The following LOXL2 variants were observed in gnomAD, a reference collection of about 807,000 sequenced individuals.
LOXL2 encodes the protein lysyl oxidase like 2.
In LOXL2, 70 loss-of-function variants were observed where a neutral mutation model predicts 93.0. The observed-to-expected ratio is 0.75, with a 90% confidence interval of 0.62 to 0.92. The LOEUF (loss-of-function observed/expected upper bound fraction) is 0.92. Among genes scored for constraint, LOXL2 ranks in the 40% least tolerant of loss-of-function variants. The pLI, the probability that LOXL2 is intolerant of heterozygous loss-of-function variation, is 0.00. For synonymous variants in LOXL2, 438 were observed against 413.2 expected, an observed-to-expected ratio of 1.06 and a Z score of -0.73; for missense variants, 973 against 1,054.9, an observed-to-expected ratio of 0.92 and a Z score of 1.08.
chr8:23,333,754 G>A lies in LOXL2; in HGVS notation c.744-131C>T, dbSNP rs1803745146. On this transcript the variant is annotated intron_variant, in intron 4 of 13. Transcript: ENST00000389131. ...CAGCCCTGCTTCACAGAGGGTCCCA[G>A]CTCAGTCCATTCTGCCAGCATTCAC... The A allele has an allele frequency of 4.3e-6, 3 of 700,502 alleles. No homozygotes were observed. In the African/African-American group the frequency reaches 5.3e-5, roughly 12 times the overall value. The allele number at this position is 700,502 out of a possible 1,614,324, so 43.4% of individuals were successfully genotyped here.
intron 1 of LOXL2, chr8:23,402,780 A>C (rs963242039): frequency 7.1e-6 from 1 of 140,428 alleles, no homozygotes; most frequent in Non-Finnish European, 1.5e-5. Context: ...CCTCTGGGAG[A>C]AAAAAAAAAA....
At chr8:23,306,327 C>A (rs1047702552) in intron 10 of LOXL2, among the ~76,000 whole-genome samples, 2 of 152,220 alleles carry the variant, frequency 1.3e-5, no homozygotes, top group Non-Finnish European at 2.9e-5. Context: ...ACCCCAGCCA[C>A]GTGTCCGCGG....
chr8:23,332,535 CAT>C (rs1401720429), intron 5 of LOXL2, among the ~76,000 whole-genome samples: 2 of 105,996 alleles, frequency 1.9e-5, no homozygotes, highest in Non-Finnish European at 3.9e-5. Flanking sequence ...CACCCCCACT[CAT>C]ACACCCCCAC....
intron 3 of LOXL2, among the ~76,000 whole-genome samples, chr8:23,342,352 C>T (rs111298093): frequency 1.3e-5 from 2 of 152,214 alleles, no homozygotes; most frequent in African/African-American, 4.8e-5. Flanking sequence ...ATCACCAGCT[C>T]TTGCGACAGT....
At position 23,394,120 on chromosome 8, in the gene LOXL2, C is replaced by T. The variant is rs1254912602; in HGVS notation, c.-84+9834G>A. 5.3e-5 allele frequency among the ~76,000 whole-genome samples: 8 copies of T among 152,122 alleles called. No individual in the cohort carries two copies. In the East Asian group the frequency reaches 5.8e-4, roughly 11 times the overall value. On this transcript the variant is annotated intron_variant, in intron 1 of 13. Coordinates refer to ENST00000389131, the MANE Select transcript of LOXL2 (RefSeq NM_002318.3). ...AAAGACAAGAAACCCAGGCTAGGCA[C>T]GGTGGCTCATGCCTGTAATCCTAGC...
At chr8:23,348,509 A>G (rs1804031405) in intron 3 of LOXL2, among the ~76,000 whole-genome samples, 1 of 152,148 alleles carries the variant, frequency 6.6e-6, no homozygotes, top group African/African-American at 2.4e-5. Context: ...TTGAGGCTGC[A>G]GTGAACTAGG....
intron 3 of LOXL2, among the ~76,000 whole-genome samples, chr8:23,359,157 C>T (rs1156875299): frequency 6.6e-6 from 1 of 152,058 alleles, no homozygotes; most frequent in Non-Finnish European, 1.5e-5. Flanking sequence ...CGACCCAGTA[C>T]CTGCATTTTT....
In LOXL2 at chr8:23,302,116, T is replaced by C; in HGVS notation, c.2044A>G (p.Thr682Ala). The C allele has an allele frequency of 3.7e-6, 6 of 1,614,138 alleles. No individual in the cohort carries two copies. Among genetic ancestry groups the C allele is most frequent in the Non-Finnish European group, 5.1e-6 (6 of 1,179,994 alleles). Residue 682 changes from threonine (T) to alanine (A), a missense_variant, in exon 12 of 14, where the codon ACC (threonine) becomes GCC (alanine). By Grantham distance (58) the Thr-to-Ala change is moderately conservative. Transcript: ENST00000389131. ...ECANFGDQGI[T>A]MGCWDMYRHD... ...CGGTACATGTCCCAGCAGCCCATGG[T>C]GATGCCCTGATCGCCGAAGTTGGCA...
rs1181587527 is a variant in LOXL2, at chr8:23,354,037, G to A, written c.531+6053C>T. Among the ~76,000 whole-genome samples the A allele has an allele frequency of 2.6e-5, 4 of 152,170 alleles. 1 individual carries two copies. The highest frequency in any genetic ancestry group is 9.6e-5 in the African/African-American group (4 of 41,462). On this transcript the variant is annotated intron_variant, in intron 3 of 13. Transcript: ENST00000389131. ...GCTCCAAGCAGCTGTAGGAGTCCAG[G>A]GAAGCACAGTTAGCTCATTAAGTGA... is the stretch of plus-strand genomic sequence containing the variant.
At chr8:23,336,676 A>G (rs1803797954) in intron 4 of LOXL2, 1 of 152,202 alleles carries the variant, frequency 6.6e-6, no homozygotes, top group African/African-American at 2.4e-5. Flanking sequence ...ATCTATTTCC[A>G]TGATGCTTTC....
At chr8:23,307,967 A>AAAAAAAAAAAAAAAAAAAC in intron 10 of LOXL2, among the ~76,000 whole-genome samples, 2 of 150,450 alleles carry the variant, frequency 1.3e-5, no homozygotes, top group Non-Finnish European at 3.0e-5. Flanking sequence ...AAAAAAAAAA[A>AAAAAAAAAAAAAAAAAAAC]AAAAAAGCCA....
At chr8:23,309,246 G>C (rs569359609) in intron 10 of LOXL2, among the ~76,000 whole-genome samples, 1 of 152,216 alleles carries the variant, frequency 6.6e-6, no homozygotes, top group South Asian at 2.1e-4. Context: ...GCCTCCCAAA[G>C]TGCTGGGATT....
chr8:23,322,772 G>A (rs1405760391), intron 6 of LOXL2, among the ~76,000 whole-genome samples: 1 of 152,220 alleles, frequency 6.6e-6, no homozygotes, highest in Non-Finnish European at 1.5e-5. Flanking sequence ...GGAAATCACA[G>A]AGCACAGTCC....
chr8:23,354,490 G>A (rs1385468619), intron 3 of LOXL2, among the ~76,000 whole-genome samples: 1 of 152,142 alleles, frequency 6.6e-6, no homozygotes, highest in East Asian at 1.9e-4. Flanking sequence ...AGAGTGAAAA[G>A]TCTGCACCTG....
At chr8:23,327,262 C>T (rs918489700) in intron 6 of LOXL2, among the ~76,000 whole-genome samples, 33 of 152,326 alleles carry the variant, frequency 2.2e-4, no homozygotes, top group South Asian at 1.5e-3. Flanking sequence ...GAAAGCTCTA[C>T]GGTCTTTGAC....
chr8:23,383,646 GTTTTTTTTTTGTTTTTT>G (rs1804711016), intron 1 of LOXL2, among the ~76,000 whole-genome samples: 2 of 117,656 alleles, frequency 1.7e-5, no homozygotes, highest in African/African-American at 3.5e-5. Context: ...GCACTTTTAC[GTTTTTTTTTTGTTTTTT>G]TTTTTTTTTT....
chr8:23,351,357 G>T (rs994632586), intron 3 of LOXL2, among the ~76,000 whole-genome samples: 3 of 152,132 alleles, frequency 2.0e-5, no homozygotes, highest in Non-Finnish European at 2.9e-5. Context: ...CCCATCTAGG[G>T]CAGGGAGAGG....
rs374331096 is a variant in LOXL2, at chr8:23,332,540, A to G, written c.966+861T>C. ...TCCCTACACACACCCCCACTCATAC[A>G]CCCCCACACACCCACACTCATACAC... On this transcript the variant is annotated intron_variant, in intron 5 of 13. Coordinates refer to ENST00000389131, the MANE Select transcript of LOXL2 (RefSeq NM_002318.3). 2.1e-3 allele frequency among the ~76,000 whole-genome samples: 123 copies of G among 59,564 alleles called. 1 individual carries two copies. The highest frequency in any genetic ancestry group is 8.3e-3 in the African/African-American group (117 of 14,154). 39.1% of individuals were successfully genotyped at this position (59,564 alleles called of 152,430 possible).
At chr8:23,401,823 C>G in intron 1 of LOXL2, among the ~76,000 whole-genome samples, 1 of 152,214 alleles carries the variant, frequency 6.6e-6, no homozygotes, top group East Asian at 1.9e-4. Flanking sequence ...TAAAAGGAAG[C>G]ATCTTTGCAG....
Sources: allele counts gnomAD v4.1 joint callset (sites outside exome capture counted in the v4.1 genomes callset), GRCh38; gene constraint gnomAD v4.1.1; transcripts MANE v1.5; gene names NCBI Gene and HGNC (gene_info 2026-07-23, HGNC 2026-07-21).